Variants in UBXN7 observed in about 807,000 individuals in gnomAD.
The protein encoded by UBXN7 is UBX domain protein 7.
In UBXN7, 9 loss-of-function variants were observed where a neutral mutation model predicts 58.0. The observed-to-expected ratio is 0.16, with a 90% CI of 0.09 to 0.27. UBXN7 has a LOEUF of 0.27. Among genes scored for constraint, UBXN7 ranks in the 10% least tolerant of loss-of-function variants. The pLI is 1.00. For synonymous variants in UBXN7, 208 were observed against 205.0 expected, an observed-to-expected ratio of 1.01 and a Z score of -0.12; for missense variants, 328 against 599.6, an observed-to-expected ratio of 0.55 and a Z score of 4.73.
chr3:196,397,152 C>A (rs1353261068), intron 3 of UBXN7, among the ~76,000 whole-genome samples: 1 of 152,200 alleles, frequency 6.6e-6, no homozygotes, highest in Non-Finnish European at 1.5e-5. Context: ...TCCAAGCCGT[C>A]TGCCACAAGG....
At chr3:196,422,575 G>C (rs1730721451) in intron 1 of UBXN7, among the ~76,000 whole-genome samples, 1 of 152,064 alleles carries the variant, frequency 6.6e-6, no homozygotes, top group Non-Finnish European at 1.5e-5. Context: ...TAATACAGAT[G>C]TGGGGGTCTC....
chr3:196,366,319 T>C (rs941718099), intron 8 of UBXN7, among the ~76,000 whole-genome samples: 2 of 151,922 alleles, frequency 1.3e-5, no homozygotes, highest in African/African-American at 4.8e-5. Flanking sequence ...GAGTTTGAGA[T>C]CAGGCTGAGT....
At chr3:196,390,652 A>C (rs1244246988) in intron 5 of UBXN7, among the ~76,000 whole-genome samples, 1 of 151,664 alleles carries the variant, frequency 6.6e-6, no homozygotes, top group Non-Finnish European at 1.5e-5. Flanking sequence ...GAGGCAGGAG[A>C]ATTACTTGAA....
At chr3:196,373,481 CCA>C (rs975682253) in intron 5 of UBXN7, among the ~76,000 whole-genome samples, 9 of 152,150 alleles carry the variant, frequency 5.9e-5, no homozygotes, top group African/African-American at 1.9e-4. Flanking sequence ...TGACACGAAA[CCA>C]CAGTTTTGGA....
At chr3:196,371,799 A>C in intron 6 of UBXN7, 97 bp downstream of exon 6, 1 of 1,453,294 alleles carries the variant, frequency 6.9e-7, no homozygotes, top group South Asian at 1.4e-5. Flanking sequence ...ACCTTTTTTT[A>C]AATGTCTTAA....
intron 1 of UBXN7, among the ~76,000 whole-genome samples, chr3:196,417,185 C>T (rs377088700): frequency 4.6e-5 from 7 of 152,028 alleles, no homozygotes; most frequent in East Asian, 1.9e-4. Flanking sequence ...TGGTGGCGGG[C>T]GCTTGTAGTC....
chr3:196,403,111 G>T, intron 2 of UBXN7, 92 bp from the exon 3 acceptor site: 1 of 1,281,898 alleles, frequency 7.8e-7, no homozygotes, highest in Non-Finnish European at 1.1e-6. Context: ...TCAAATTAAC[G>T]TAGTGACTTT....
intron 1 of UBXN7, among the ~76,000 whole-genome samples, chr3:196,426,674 C>T (rs1448126183): frequency 4.6e-5 from 7 of 151,952 alleles, no homozygotes; most frequent in African/African-American, 1.7e-4. Context: ...AATGGAGAAA[C>T]CCCGTCTCTA....
chr3:196,412,001 G>A (rs1182544737), intron 1 of UBXN7, among the ~76,000 whole-genome samples: 1 of 152,006 alleles, frequency 6.6e-6, no homozygotes, highest in Non-Finnish European at 1.5e-5. Flanking sequence ...GGCTGAGGTA[G>A]GTGGATCATT....
At chr3:196,363,274 TTTTC>T (rs886739809) in intron 8 of UBXN7, among the ~76,000 whole-genome samples, 6 of 151,748 alleles carry the variant, frequency 4.0e-5, no homozygotes, top group East Asian at 1.9e-4. Context: ...ACATATTTTT[TTTTC>T]TTTCTTTTTT....
chr3:196,386,416 A>T (rs538243679), intron 5 of UBXN7, among the ~76,000 whole-genome samples: 1 of 151,374 alleles, frequency 6.6e-6, no homozygotes, highest in Non-Finnish European at 1.5e-5. Context: ...GGAAATGAGG[A>T]AGTCAAATTG....
intron 5 of UBXN7, among the ~76,000 whole-genome samples, chr3:196,375,972 T>G (rs957946516): frequency 1.3e-5 from 2 of 152,162 alleles, no homozygotes; most frequent in Non-Finnish European, 2.9e-5. Context: ...GAGGTTGCAG[T>G]GAGCTGGGAT....
rs192812117 is a variant in UBXN7 at position 196,392,501 on chromosome 3, C to T, written c.356-576G>A. Among the ~76,000 whole-genome samples the T allele has an allele frequency of 3.0e-4, 44 of 144,844 alleles. No individual in the cohort carries two copies. In the Admixed American group the frequency reaches 3.1e-3, roughly 10 times the overall value. On this transcript the variant is annotated intron_variant, in intron 4 of 10. Transcript: ENST00000296328. Reference sequence around the variant, plus strand: ...GCCTGGGCAACAGAGTGTGAGACTCCATCTCAAAAAAAAAAAATTAGCCAG... The same window carrying T: ...GCCTGGGCAACAGAGTGTGAGACTCTATCTCAAAAAAAAAAAATTAGCCAG...
chr3:196,365,540 C>G (rs1305147674), intron 8 of UBXN7, among the ~76,000 whole-genome samples: 1 of 152,082 alleles, frequency 6.6e-6, no homozygotes, highest in East Asian at 1.9e-4. Context: ...GCAGATGGGA[C>G]TATAGGCACA....
intron 1 of UBXN7, among the ~76,000 whole-genome samples, chr3:196,412,979 T>C (rs1230684930): frequency 1.3e-5 from 2 of 152,230 alleles, no homozygotes; most frequent in East Asian, 1.9e-4. Flanking sequence ...CAAAGAGTTA[T>C]AGAGAGGGAC....
chr3:196,390,863 T>A (rs1445149821), intron 5 of UBXN7, among the ~76,000 whole-genome samples: 3 of 151,556 alleles, frequency 2.0e-5, no homozygotes, highest in African/African-American at 7.3e-5. Flanking sequence ...AACAGAAGAG[T>A]ATCTAAAATC....
chr3:196,358,465 G>T (rs1463130824), intron 10 of UBXN7, among the ~76,000 whole-genome samples: 7 of 152,152 alleles, frequency 4.6e-5, no homozygotes, highest in Admixed American at 4.6e-4. Flanking sequence ...TTCACAACCG[G>T]GTGCTCCCAC....
At chr3:196,392,201 C>G (rs1466078405) in intron 4 of UBXN7, among the ~76,000 whole-genome samples, 4 of 152,044 alleles carry the variant, frequency 2.6e-5, no homozygotes, top group Non-Finnish European at 4.4e-5. Context: ...TATTCAGAAA[C>G]TAACTGTAAC....
rs182217917 is a variant in UBXN7, at chr3:196,375,876, A to G, written c.469-3834T>C. 1.2e-3 allele frequency among the ~76,000 whole-genome samples: 185 copies of G among 152,258 alleles called. 2 individuals are homozygous for G. Among genetic ancestry groups the G allele is most frequent in the Middle Eastern group, 3.4e-3 (1 of 294 alleles). On this transcript the variant is annotated intron_variant, in intron 5 of 10. Transcript: ENST00000296328. Reference sequence around the variant, plus strand: ...AAACCCCATCTCTACTAACGATACTAAAATTAGACGAGCGTGGTGGCGCAT... The same window carrying G: ...AAACCCCATCTCTACTAACGATACTGAAATTAGACGAGCGTGGTGGCGCAT...
Sources: gnomAD v4.1 joint callset for allele counts (sites outside exome capture counted in the v4.1 genomes callset) on GRCh38, gnomAD v4.1.1 for gene constraint, MANE v1.5 for transcripts, NCBI Gene and HGNC (gene_info 2026-07-23, HGNC 2026-07-21) for gene names.